Variants in KLF12 observed in about 807,000 individuals in gnomAD.
KLF12 encodes KLF transcription factor 12.
In KLF12, 9 loss-of-function variants were observed where a neutral mutation model predicts 37.8. The ratio of observed to expected loss-of-function variants is 0.24; its 90% CI spans 0.14 to 0.42. The LOEUF (loss-of-function observed/expected upper bound fraction) is 0.42, where lower values mean the gene tolerates loss of function less well. Ranked by LOEUF, KLF12 falls within the 10% of genes least tolerant of loss-of-function variation. The pLI, the probability that KLF12 is intolerant of heterozygous loss-of-function variation, is 1.00. For synonymous variants in KLF12, 208 were observed against 202.1 expected (o/e 1.03, Z -0.25); for missense variants, 411 against 516.0 (o/e 0.80, Z 1.97).
chr13:73,787,582 G>A (rs1242544724), intron 5 of KLF12, among the ~76,000 whole-genome samples: 1 of 152,110 alleles, frequency 6.6e-6, no homozygotes, highest in African/African-American at 2.4e-5. Flanking sequence ...AGATAGGTAC[G>A]TTGCTTGTGG....
At chr13:74,303,164 ATTC>A in the KLF12 span, among the ~76,000 whole-genome samples, 1 of 152,098 alleles carries the variant, frequency 6.6e-6, no homozygotes, top group Non-Finnish European at 1.5e-5. Flanking sequence ...TATCTAGCCT[ATTC>A]TTCAAGACTT....
intron 6 of KLF12, among the ~76,000 whole-genome samples, chr13:73,764,473 A>G (rs1407630936): frequency 1.9e-5 from 2 of 105,958 alleles, no homozygotes; most frequent in Non-Finnish European, 4.5e-5. Context: ...AGTACTCCCC[A>G]AATTAAAAAA....
the KLF12 span, among the ~76,000 whole-genome samples, chr13:74,232,350 C>T: frequency 6.6e-6 from 1 of 152,182 alleles, no homozygotes; most frequent in East Asian, 1.9e-4. Flanking sequence ...TGTAAACTTT[C>T]ATGATCCTTT....
chr13:73,871,473 G>A (rs1886461873), intron 3 of KLF12, among the ~76,000 whole-genome samples: 1 of 152,216 alleles, frequency 6.6e-6, no homozygotes, highest in Admixed American at 6.5e-5. Context: ...AAAAAGGAAT[G>A]TAAACTGAGC....
At chr13:73,997,566 A>G (rs1180071477) in intron 1 of KLF12, among the ~76,000 whole-genome samples, 1 of 152,184 alleles carries the variant, frequency 6.6e-6, no homozygotes, top group Non-Finnish European at 1.5e-5. Flanking sequence ...CCCAATCCCT[A>G]TCAAAAGCAA....
chr13:74,163,529 C>G, the KLF12 span, among the ~76,000 whole-genome samples: 2 of 151,810 alleles, frequency 1.3e-5, no homozygotes, highest in Admixed American at 1.3e-4. Flanking sequence ...ATCTGAAAAT[C>G]AAATCAATTG....
intron 2 of KLF12, among the ~76,000 whole-genome samples, chr13:73,986,221 A>G (rs1459536372): frequency 6.6e-6 from 1 of 152,234 alleles, no homozygotes; most frequent in Non-Finnish European, 1.5e-5. Flanking sequence ...TAGTATCACC[A>G]TGTGAAACTG....
At chr13:74,277,866 C>G in the KLF12 span, among the ~76,000 whole-genome samples, 1 of 152,152 alleles carries the variant, frequency 6.6e-6, no homozygotes, top group Non-Finnish European at 1.5e-5. Flanking sequence ...GAAGCCTGAG[C>G]CCAAAGGATG....
intron 1 of KLF12, among the ~76,000 whole-genome samples, chr13:74,083,444 C>T (rs1384683468): frequency 6.6e-6 from 1 of 150,744 alleles, no homozygotes; most frequent in African/African-American, 2.4e-5. Flanking sequence ...GAAGTCAAGG[C>T]TGCACTGAAC....
At chr13:74,026,473 T>C (rs1892978595) in intron 1 of KLF12, among the ~76,000 whole-genome samples, 2 of 152,258 alleles carry the variant, frequency 1.3e-5, no homozygotes, top group Admixed American at 1.3e-4. Flanking sequence ...AAAATTAAAA[T>C]AGTGATATTT....
At chr13:73,732,305 G>A (rs774446268) in intron 6 of KLF12, among the ~76,000 whole-genome samples, 8 of 151,820 alleles carry the variant, frequency 5.3e-5, no homozygotes, top group Non-Finnish European at 8.8e-5. Context: ...GGCCATGCTG[G>A]TCGCAAACTC....
chr13:74,050,170 A>G (rs1660017284), intron 1 of KLF12, among the ~76,000 whole-genome samples: 1 of 152,204 alleles, frequency 6.6e-6, no homozygotes, highest in Non-Finnish European at 1.5e-5. Context: ...AAGAGTGGGG[A>G]GAGAAAAGTA....
the KLF12 span, among the ~76,000 whole-genome samples, chr13:74,291,994 A>G: frequency 6.6e-6 from 1 of 152,238 alleles, no homozygotes; most frequent in Non-Finnish European, 1.5e-5. Flanking sequence ...TTACAATATT[A>G]TTGTAGACAT....
intron 3 of KLF12, among the ~76,000 whole-genome samples, chr13:73,857,356 C>T (rs954159517): frequency 2.6e-5 from 4 of 151,980 alleles, no homozygotes; most frequent in Non-Finnish European, 4.4e-5. Flanking sequence ...CTGGTGAGGA[C>T]ACAGAAAATG....
At chr13:73,928,882 T>TAATA (rs1889532391) in intron 3 of KLF12, among the ~76,000 whole-genome samples, 1 of 152,186 alleles carries the variant, frequency 6.6e-6, no homozygotes, top group Non-Finnish European at 1.5e-5. Context: ...GGGTGTCAGA[T>TAATA]AATATAAGTG....
At chr13:73,703,857 C>G (rs539966974) in intron 7 of KLF12, among the ~76,000 whole-genome samples, 4 of 152,284 alleles carry the variant, frequency 2.6e-5, no homozygotes, top group African/African-American at 7.2e-5. Flanking sequence ...GGCACGGAGA[C>G]TGCAAATGTG....
rs748268846 is a variant in KLF12 at position 73,694,397 on chromosome 13, G to A, written c.*1093C>T. 3 of 152,560 alleles carry A rather than the reference G, an allele frequency of 2.0e-5. No homozygotes were observed. Among genetic ancestry groups the A allele is most frequent in the African/African-American group, 7.2e-5 (3 of 41,444 alleles). 9.5% of individuals were successfully genotyped at this position (152,560 alleles called of 1,614,324 possible). On this transcript the variant is annotated 3_prime_UTR_variant, in exon 8 of 8. Coordinates refer to ENST00000377669, the MANE Select transcript of KLF12 (RefSeq NM_007249.5). The stretch of plus-strand genomic sequence containing the variant: ...ACCAAGACACCTAAAATGCTGGGGT[G>A]TTTTTTACAATCCCTTTAGTAAGTA...
the KLF12 span, among the ~76,000 whole-genome samples, chr13:74,165,299 C>CT: frequency 8.1e-3 from 796 of 98,286 alleles, 12 homozygotes; most frequent in Middle Eastern, 0.025. Context: ...ATTTTCTTTT[C>CT]TTTTTTTTTT....
At chr13:73,753,458 T>A (rs1178780966) in intron 6 of KLF12, among the ~76,000 whole-genome samples, 1 of 152,138 alleles carries the variant, frequency 6.6e-6, no homozygotes, top group Non-Finnish European at 1.5e-5. Flanking sequence ...TACATTTTCA[T>A]CAAGGCACTT....
Sources: gnomAD v4.1 joint callset for allele counts (sites outside exome capture counted in the v4.1 genomes callset) on GRCh38, gnomAD v4.1.1 for gene constraint, MANE v1.5 for transcripts, NCBI Gene and HGNC (gene_info 2026-07-23, HGNC 2026-07-21) for gene names.